SECISBP2L: variants seen among roughly 807,000 people sequenced by gnomAD.
SECISBP2L encodes the protein SECIS binding protein 2 like, also known as selenocysteine insertion sequence-binding protein 2-like.
A neutral mutation model predicts 114.7 loss-of-function variants in SECISBP2L; 43 were observed. The ratio of observed to expected loss-of-function variants is 0.38; its 90% CI spans 0.29 to 0.48. The LOEUF is 0.48. Ranked by LOEUF, SECISBP2L falls within the 20% of genes least tolerant of loss-of-function variation. The pLI is 0.98. For synonymous variants in SECISBP2L, 451 were observed against 439.7 expected (o/e 1.03, Z -0.32); for missense variants, 1,136 against 1,301.1 (o/e 0.87, Z 1.95).
Position 49,028,441 on chromosome 15 carries a change from G to C in SECISBP2L, c.894+12C>G. 6.2e-7 allele frequency: 1 copy of C among 1,609,530 alleles called. No homozygotes were observed. Among genetic ancestry groups the C allele is most frequent in the South Asian group, 1.1e-5 (1 of 90,986 alleles). On this transcript the variant is annotated intron_variant, in intron 5 of 17. Coordinates refer to ENST00000559471, the MANE Select transcript of SECISBP2L (RefSeq NM_001193489.2). ...CAATGACCAATAAAGAAATCAAGAC[G>C]ATGTCACATACATTCATGGTCCCAG...
At chr15:49,039,092 G>T (rs933627416) in intron 1 of SECISBP2L, among the ~76,000 whole-genome samples, 1 of 152,152 alleles carries the variant, frequency 6.6e-6, no homozygotes, top group Non-Finnish European at 1.5e-5. Flanking sequence ...AAGGGGTGGG[G>T]ATGGTAAAAT....
intron 15 of SECISBP2L, 106 bp from the exon 16 acceptor site, chr15:49,000,093 C>T: frequency 9.2e-7 from 1 of 1,083,976 alleles, no homozygotes; most frequent in Non-Finnish European, 1.3e-6. Context: ...ATTCTATGAA[C>T]ACTTGTAGCA....
chr15:49,045,233 T>C (rs376530323), intron 1 of SECISBP2L, among the ~76,000 whole-genome samples: 2 of 152,320 alleles, frequency 1.3e-5, no homozygotes, highest in African/African-American at 4.8e-5. Flanking sequence ...TAGGAAGCTG[T>C]GCTTTGCCTG....
chr15:49,025,538 T>C (rs1902724422), intron 7 of SECISBP2L, among the ~76,000 whole-genome samples: 1 of 152,168 alleles, frequency 6.6e-6, no homozygotes, highest in South Asian at 2.1e-4. Flanking sequence ...CTACTTGTGG[T>C]ATCATGGCAC....
intron 16 of SECISBP2L, among the ~76,000 whole-genome samples, chr15:48,997,975 A>C (rs1902128985): frequency 6.6e-6 from 1 of 152,250 alleles, no homozygotes; most frequent in South Asian, 2.1e-4. Context: ...AGCCACCAGA[A>C]GGCCAATCTA....
intron 7 of SECISBP2L, among the ~76,000 whole-genome samples, chr15:49,020,840 T>C (rs1269956536): frequency 3.3e-5 from 5 of 152,202 alleles, no homozygotes; most frequent in Non-Finnish European, 2.9e-5. Flanking sequence ...AGTCTTCTGA[T>C]ACTTGCAGTT....
intron 1 of SECISBP2L, among the ~76,000 whole-genome samples, chr15:49,043,964 G>T (rs1159380910): frequency 2.7e-5 from 4 of 148,190 alleles, no homozygotes; most frequent in Non-Finnish European, 4.5e-5. Context: ...AAAAAAAAGC[G>T]TTTTTTTTTT....
rs886802265 is a variant in SECISBP2L at position 49,046,342 on chromosome 15, A to C, written c.-43T>G. On this transcript the variant is annotated 5_prime_UTR_variant, in exon 1 of 18. Coordinates refer to ENST00000559471, the MANE Select transcript of SECISBP2L (RefSeq NM_001193489.2). The stretch of plus-strand genomic sequence containing the variant: ...CGGGCCCGCGCTAGTCGGTGTAAAC[A>C]GCGCCTCGGGCCGCTTTCTCCATGG... 6.7e-7 allele frequency: 1 copy of C among 1,486,816 alleles called. No individual in the cohort carries two copies. Among genetic ancestry groups the C allele is most frequent in the Non-Finnish European group, 9.0e-7 (1 of 1,114,334 alleles). The allele number at this position is 1,486,816 out of a possible 1,614,324, so 92.1% of individuals were successfully genotyped here. A position where few individuals can be genotyped will look rare whatever the true frequency, so the allele number is the denominator to read the frequency against.
chr15:49,014,745 CAAT>C (rs1382304726), intron 11 of SECISBP2L, among the ~76,000 whole-genome samples: 1 of 148,148 alleles, frequency 6.8e-6, no homozygotes, highest in East Asian at 1.9e-4. Context: ...ATATATAAAA[CAAT>C]ATATAGTTAT....
At chr15:49,006,153 C>T (rs763691748) in intron 14 of SECISBP2L, among the ~76,000 whole-genome samples, 7 of 152,012 alleles carry the variant, frequency 4.6e-5, no homozygotes, top group East Asian at 3.9e-4. Flanking sequence ...CTGGGTAACC[C>T]GACCTTTCTC....
intron 16 of SECISBP2L, among the ~76,000 whole-genome samples, chr15:48,998,516 T>C (rs957335878): frequency 1.1e-4 from 17 of 152,108 alleles, no homozygotes; most frequent in Admixed American, 7.9e-4. Context: ...CAAATGGATA[T>C]GTGAGTTTAA....
Position 49,000,973 on chromosome 15 carries a change from G to A in SECISBP2L, c.2152C>T (p.Leu718Phe), listed in dbSNP as rs946003647. 20 of 1,613,824 alleles carry A rather than the reference G, an allele frequency of 1.2e-5. No homozygotes were observed. Among genetic ancestry groups the A allele is most frequent in the Non-Finnish European group, 1.7e-5 (20 of 1,179,884 alleles). ...DPVRAKARRR[L>F]VMGLREVTKH... ...GTAACTTCTCTTAGACCCATAACGA[G>A]TCGTCTCCTTGCTTTTGCTCTTACA... Residue 718 changes from leucine (L) to phenylalanine (F), a missense_variant, in exon 15 of 18, where the codon CTC becomes TTC. Physicochemically the swap from Leu to Phe is conservative, Grantham distance 22 (BLOSUM62 0). This residue lies in a region of SECISBP2L where 684 missense variants were observed against 848.7 expected (regional missense o/e 0.81). Coordinates refer to ENST00000559471, the MANE Select transcript of SECISBP2L (RefSeq NM_001193489.2).
At chr15:49,025,589 G>T (rs962914452) in intron 7 of SECISBP2L, among the ~76,000 whole-genome samples, 2 of 152,120 alleles carry the variant, frequency 1.3e-5, no homozygotes, top group Non-Finnish European at 2.9e-5. Flanking sequence ...ATGGGCAAAT[G>T]ATTTGAACAG....
intron 2 of SECISBP2L, 68 bp downstream of exon 2, chr15:49,037,523 T>C: frequency 7.1e-7 from 1 of 1,402,070 alleles, no homozygotes; most frequent in East Asian, 2.4e-5. Flanking sequence ...AAAGGAAAAA[T>C]ATTAAGTGCA....
chr15:49,022,395 T>G (rs1049399564), intron 7 of SECISBP2L, among the ~76,000 whole-genome samples: 1 of 151,916 alleles, frequency 6.6e-6, no homozygotes, highest in Admixed American at 6.6e-5. Flanking sequence ...AGGTCAGGAG[T>G]TCGAGACCAG....
At chr15:48,995,581 AAAG>A (rs1353909111) in intron 17 of SECISBP2L, among the ~76,000 whole-genome samples, 98 of 152,338 alleles carry the variant, frequency 6.4e-4, no homozygotes, top group African/African-American at 2.2e-3. Flanking sequence ...GAGCCAAATG[AAAG>A]AAGGTGGCTA....
At chr15:49,033,233 T>TG (rs1177138215) in intron 3 of SECISBP2L, 133 bp from the exon 4 acceptor site, 1 of 1,082,120 alleles carries the variant, frequency 9.2e-7, no homozygotes, top group Non-Finnish European at 1.3e-6. Flanking sequence ...TTGGCTTCCA[T>TG]GGGGAAATAG....
In SECISBP2L at chr15:49,016,741, T is replaced by C. The variant is rs766165669; in HGVS notation, c.1420-40A>G. 7.2e-6 allele frequency: 11 copies of C among 1,518,728 alleles called. 1 individual carries two copies. The Admixed American group carries it at 2.2e-4, about 30-fold the overall frequency. 94.1% of individuals were successfully genotyped at this position (1,518,728 alleles called of 1,614,324 possible). A position where few individuals can be genotyped will look rare whatever the true frequency, so the allele number is the denominator to read the frequency against. Reference sequence around the variant, plus strand: ...TAAAAAATTAATTTTTTTGTTATAGTACGAAACTGTGGCATTTTAAGATGA... The same window carrying C: ...TAAAAAATTAATTTTTTTGTTATAGCACGAAACTGTGGCATTTTAAGATGA... On this transcript the variant is annotated intron_variant, in intron 10 of 17. Coordinates refer to ENST00000559471, the MANE Select transcript of SECISBP2L (RefSeq NM_001193489.2).
chr15:49,039,329 TCA>T (rs1214549897), intron 1 of SECISBP2L, among the ~76,000 whole-genome samples: 1 of 152,070 alleles, frequency 6.6e-6, no homozygotes, highest in African/African-American at 2.4e-5. Context: ...GAACCCAAAC[TCA>T]CTTATATAGG....
Sources: gnomAD v4.1 joint callset for allele counts (sites outside exome capture counted in the v4.1 genomes callset) on GRCh38, gnomAD v4.1.1 for gene constraint, gnomAD v4.1.1 regional missense constraint, MANE v1.5 for transcripts, NCBI Gene and HGNC (gene_info 2026-07-23, HGNC 2026-07-21) for gene names.